Variants in ZFPM1 observed in about 807,000 individuals in gnomAD.
ZFPM1 encodes the protein zinc finger protein, FOG family member 1, also known as zinc finger protein ZFPM1.
A neutral mutation model predicts 46.3 loss-of-function variants in ZFPM1; 28 were observed. The observed-to-expected ratio is 0.60, with a 90% CI of 0.45 to 0.83. The LOEUF is 0.83. Ranked by LOEUF, ZFPM1 falls within the 40% of genes least tolerant of loss-of-function variation. The pLI, the probability that ZFPM1 is intolerant of heterozygous loss-of-function variation, is 0.00. For missense variants in ZFPM1, 1,878 were observed against 1,432.4 expected (o/e 1.31, Z -5.02); for synonymous variants, 957 against 675.9 (o/e 1.42, Z -6.45).
rs746385102 is a variant in ZFPM1, at chr16:88,534,437, C to T, written c.2479C>T (p.His827Tyr). The T allele has an allele frequency of 1.3e-6, 2 of 1,498,492 alleles. No individual in the cohort carries two copies. The highest frequency in any genetic ancestry group is 2.9e-5 in the East Asian group (1 of 35,042). 92.8% of individuals were successfully genotyped at this position (1,498,492 alleles called of 1,614,324 possible). A position where few individuals can be genotyped will look rare whatever the true frequency, so the allele number is the denominator to read the frequency against. The part of the protein sequence containing the change: ...HECTACRVSF[H>Y]SLEAYLAHKK... ...GTGCACGGCCTGCCGCGTGAGCTTC[C>T]ACAGCCTCGAGGCCTACCTGGCGCA... Residue 827 changes from histidine (H) to tyrosine (Y), a missense_variant, in exon 10 of 10, where the codon CAC becomes TAC. His to Tyr is a moderately conservative substitution (Grantham distance 83). Coordinates refer to ENST00000319555, the MANE Select transcript of ZFPM1 (RefSeq NM_153813.3).
At chr16:88,523,797 C>T (rs781348156) in intron 4 of ZFPM1, among the ~76,000 whole-genome samples, 19 of 152,176 alleles carry the variant, frequency 1.2e-4, no homozygotes, top group Non-Finnish European at 1.9e-4. Context: ...TGTTCCCTCC[C>T]GGGTCGGGGG....
chr16:88,455,953 G>T (rs538747202), intron 1 of ZFPM1, among the ~76,000 whole-genome samples: 42 of 152,312 alleles, frequency 2.8e-4, no homozygotes, highest in African/African-American at 9.6e-4. Context: ...GAGCCTGGCC[G>T]GTCGGCCCGA....
chr16:88,476,751 C>T (rs973344911), intron 1 of ZFPM1, among the ~76,000 whole-genome samples: 3 of 152,082 alleles, frequency 2.0e-5, no homozygotes, highest in Non-Finnish European at 4.4e-5. Flanking sequence ...CTGTTGGCAC[C>T]GAGGGAGGGA....
chr16:88,528,308 T>A, intron 6 of ZFPM1, 70 bp downstream of exon 6: 4 of 1,458,328 alleles, frequency 2.7e-6, no homozygotes, highest in Non-Finnish European at 3.7e-6. Flanking sequence ...CAGGAGAGGG[T>A]GGGAGCTGAG....
chr16:88,532,709 G>C lies in ZFPM1; in HGVS notation c.1042G>C (p.Gly348Arg). The C allele has an allele frequency of 6.2e-7, 1 of 1,611,800 alleles. No individual in the cohort carries two copies. Among genetic ancestry groups the C allele is most frequent in the Non-Finnish European group, 8.5e-7 (1 of 1,179,288 alleles). The change falls in exon 8 of 10, where the codon GGT becomes CGT. Residue 348 changes from glycine to arginine, a missense_variant and splice_region_variant. Coordinates refer to ENST00000319555, the MANE Select transcript of ZFPM1 (RefSeq NM_153813.3). ...CAAGGTGCACACGGACACGCTGAGCGGTAGGCACCGCAGGGGCCGGGGGGT... is the reference window on the plus strand; with the variant it reads ...CAAGGTGCACACGGACACGCTGAGCCGTAGGCACCGCAGGGGCCGGGGGGT... Reference protein sequence around the residue: ...HLKVHTDTLSGVCHSCGFIST... With the variant: ...HLKVHTDTLSRVCHSCGFIST...
At chr16:88,477,791 T>C (rs1334767233) in intron 1 of ZFPM1, among the ~76,000 whole-genome samples, 2 of 152,256 alleles carry the variant, frequency 1.3e-5, no homozygotes, top group Admixed American at 1.3e-4. Flanking sequence ...TTTATAAGGC[T>C]CTCACTGGGA....
At chr16:88,468,922 C>T (rs1420644141) in intron 1 of ZFPM1, 1 of 153,822 alleles carries the variant, frequency 6.5e-6, no homozygotes, top group African/African-American at 2.4e-5. Flanking sequence ...TGGAAGGGCC[C>T]GCCTTTTAGG....
chr16:88,501,473 CAGACAT>C (rs1910309538), intron 3 of ZFPM1, among the ~76,000 whole-genome samples: 3 of 137,576 alleles, frequency 2.2e-5, no homozygotes, highest in Admixed American at 7.3e-5. Context: ...ATAGAGATAG[CAGACAT>C]GGGTGCGTGG....
chr16:88,475,366 G>T (rs1030725065), intron 1 of ZFPM1, among the ~76,000 whole-genome samples: 2 of 152,162 alleles, frequency 1.3e-5, no homozygotes, highest in Non-Finnish European at 2.9e-5. Context: ...GACCGGGAAG[G>T]GCCTCGCTGA....
rs1314702159 is a variant in ZFPM1, at chr16:88,533,202, C to T, written c.1244C>T (p.Ser415Phe). Reference protein sequence around the residue: ...QHTALQGPLASADLGLAPTPS... With the variant: ...QHTALQGPLAFADLGLAPTPS... The stretch of plus-strand genomic sequence containing the variant: ...ACGGCCCTGCAAGGCCCCCTGGCCT[C>T]CGCGGACCTGGGCCTGGCGCCCACC... The change falls in exon 10 of 10, where the codon TCC (serine) becomes TTC (phenylalanine). Residue 415 changes from serine to phenylalanine, a missense_variant. By Grantham distance (155) the Ser-to-Phe change is radical. Transcript: ENST00000319555. 3 of 1,549,880 alleles carry T rather than the reference C, an allele frequency of 1.9e-6. No individual in the cohort carries two copies. The highest frequency in any genetic ancestry group is 3.9e-5 in the Admixed American group (2 of 50,856).
chr16:88,481,098 TC>T (rs1417209244), intron 1 of ZFPM1, among the ~76,000 whole-genome samples: 1 of 152,246 alleles, frequency 6.6e-6, no homozygotes, highest in African/African-American at 2.4e-5. Flanking sequence ...CATTTCCATT[TC>T]GGCGTCCGGC....
intron 3 of ZFPM1, among the ~76,000 whole-genome samples, chr16:88,503,666 CT>C (rs1910501653): frequency 6.6e-6 from 1 of 152,212 alleles, no homozygotes; most frequent in African/African-American, 2.4e-5. Flanking sequence ...GCAGCACCCT[CT>C]GTGGCTTCCC....
intron 4 of ZFPM1, among the ~76,000 whole-genome samples, chr16:88,525,905 T>C (rs1297733012): frequency 2.6e-5 from 4 of 152,146 alleles, no homozygotes. Context: ...GCCCAGAGTG[T>C]TTTCCTTCCA....
chr16:88,452,419 T>C (rs1044002690), upstream of ZFPM1, among the ~76,000 whole-genome samples: 8 of 151,990 alleles, frequency 5.3e-5, no homozygotes, highest in Non-Finnish European at 1.5e-5. Flanking sequence ...CGGGGCGCCC[T>C]GGAGAGGCTC....
intron 1 of ZFPM1, among the ~76,000 whole-genome samples, chr16:88,467,899 T>C (rs944647416): frequency 2.0e-5 from 3 of 152,160 alleles, no homozygotes; most frequent in Non-Finnish European, 2.9e-5. Context: ...ATCGCCGTTA[T>C]CTATCTGCTT....
In ZFPM1 at chr16:88,467,167, G is replaced by C. The variant is rs146103209; in HGVS notation, c.40+13489G>C. ...CGTCCCATCACACAGCGGCCAGAGTGGCTCCAGAACATTTGTCCCTGTGAT... is the reference window on the plus strand; with the variant it reads ...CGTCCCATCACACAGCGGCCAGAGTCGCTCCAGAACATTTGTCCCTGTGAT... On this transcript the variant is annotated intron_variant, in intron 1 of 9. Transcript: ENST00000319555. Among the ~76,000 whole-genome samples, 292 of 152,264 alleles carry C rather than the reference G, an allele frequency of 1.9e-3. 3 individuals carry two copies. The highest frequency in any genetic ancestry group is 6.7e-3 in the African/African-American group (280 of 41,554).
In ZFPM1 at chr16:88,453,448, C is replaced by T. The variant is rs1228387988; in HGVS notation, c.-191C>T. The T allele has an allele frequency of 1.9e-5, 3 of 157,312 alleles. No homozygotes were observed. Among genetic ancestry groups the T allele is most frequent in the Non-Finnish European group, 3.9e-5 (3 of 76,818 alleles). The allele number at this position is 157,312 out of a possible 1,614,324, so 9.7% of individuals were successfully genotyped here. ...CGCGCCCGCAACGCAGGACCGTGGC[C>T]TCTCGGGCCTCCGCGGCAGCTCCAG... is the stretch of plus-strand genomic sequence containing the variant. On this transcript the variant is annotated 5_prime_UTR_variant, in exon 1 of 10. Coordinates refer to ENST00000319555, the MANE Select transcript of ZFPM1 (RefSeq NM_153813.3).
At chr16:88,494,333 C>T (rs1248666747) in intron 3 of ZFPM1, among the ~76,000 whole-genome samples, 1 of 151,878 alleles carries the variant, frequency 6.6e-6, no homozygotes, top group African/African-American at 2.4e-5. Flanking sequence ...GAGGAGCTCA[C>T]CCCCCAAACC....
intron 3 of ZFPM1, among the ~76,000 whole-genome samples, chr16:88,494,974 C>T (rs1328446815): frequency 6.6e-6 from 1 of 152,240 alleles, no homozygotes; most frequent in Non-Finnish European, 1.5e-5. Context: ...GGGGCGGCTG[C>T]TTAAGATTCT....
Sources: allele counts gnomAD v4.1 joint callset (sites outside exome capture counted in the v4.1 genomes callset), GRCh38; gene constraint gnomAD v4.1.1; transcripts MANE v1.5; gene names NCBI Gene and HGNC (gene_info 2026-07-23, HGNC 2026-07-21).